RAB37: variants seen among roughly 807,000 people sequenced by gnomAD.
RAB37 encodes ras-related protein Rab-37.
Under a neutral mutation model 33.1 loss-of-function variants are expected in RAB37, and 29 were observed. That is an observed-to-expected ratio of 0.88 (90% confidence interval 0.65 to 1.20). The LOEUF is 1.20. Ranked by LOEUF, RAB37 falls within the 50% of genes most tolerant of loss-of-function variation. RAB37 has a pLI of 0.00. For missense variants in RAB37, 299 were observed against 301.1 expected (o/e 0.99, Z 0.05); for synonymous variants, 128 against 119.5 (o/e 1.07, Z -0.47).
chr17:74,728,669 T>C (rs2034340152), intron 1 of RAB37, among the ~76,000 whole-genome samples: 2 of 151,042 alleles, frequency 1.3e-5, no homozygotes, highest in Non-Finnish European at 3.0e-5. Flanking sequence ...TGTGTATGCA[T>C]ATGTTTGTGT....
intron 1 of RAB37, among the ~76,000 whole-genome samples, chr17:74,691,919 G>A (rs1408075692): frequency 6.7e-6 from 1 of 149,190 alleles, no homozygotes; most frequent in African/African-American, 2.5e-5. Context: ...AGGCTGGAGT[G>A]CAGTGGCGCG....
chr17:74,728,253 G>A (rs560761957), intron 1 of RAB37, among the ~76,000 whole-genome samples: 17 of 151,662 alleles, frequency 1.1e-4, no homozygotes, highest in Non-Finnish European at 1.6e-4. Context: ...GATACATGTT[G>A]GTGTACATGT....
chr17:74,694,940 G>T, intron 1 of RAB37: 1 of 746,684 alleles, frequency 1.3e-6, no homozygotes, highest in Non-Finnish European at 2.1e-6. Flanking sequence ...CTGAGACTTG[G>T]CCCCAAGCCC....
At position 74,729,069 on chromosome 17, in the gene RAB37, T is replaced by G. The variant is rs1347207892; in HGVS notation, c.73-187T>G. On this transcript the variant is annotated intron_variant, in intron 1 of 7. Coordinates refer to the RAB37 transcript ENST00000340415. The surrounding 1 kb of genome is among the most constrained non-coding windows in gnomAD (Gnocchi z 4.2). ...TGTGTGTGCATGGGTGTTCTGTGTA[T>G]GTGTGTACATGTTTTTCTATGTCTG... 1.3e-5 allele frequency among the ~76,000 whole-genome samples: 2 copies of G among 151,248 alleles called. No homozygotes were observed. Among genetic ancestry groups the G allele is most frequent in the Non-Finnish European group, 2.9e-5 (2 of 68,016 alleles).
Position 74,740,847 on chromosome 17 carries a change from C to T in RAB37, c.173C>T (p.Thr58Ile), listed in dbSNP as rs772385837. Residue 58 changes from threonine (T) to isoleucine (I), a missense_variant, in exon 2 of 9, where the codon ACC becomes ATC. Physicochemically the swap from Thr to Ile is moderately conservative, Grantham distance 89 (BLOSUM62 -1). Transcript: ENST00000392613. Reference protein sequence around the residue: ...QFKDGAFLSGTFIATVGIDFR... With the variant: ...QFKDGAFLSGIFIATVGIDFR... ...AAAGACGGGGCCTTCCTGTCCGGAACCTTCATAGCCACCGTCGGCATAGAC... is the reference window on the plus strand; with the variant it reads ...AAAGACGGGGCCTTCCTGTCCGGAATCTTCATAGCCACCGTCGGCATAGAC... 2.5e-5 allele frequency: 40 copies of T among 1,613,854 alleles called. No individual in the cohort carries two copies. The highest frequency in any genetic ancestry group is 3.1e-5 in the Non-Finnish European group (37 of 1,179,868).
At chr17:74,709,373 A>G (rs1174143039) in intron 1 of RAB37, among the ~76,000 whole-genome samples, 1 of 152,236 alleles carries the variant, frequency 6.6e-6, no homozygotes, top group Non-Finnish European at 1.5e-5. Flanking sequence ...TAGCAAACTA[A>G]GAGAACTGCC....
At position 74,671,276 on chromosome 17, in the gene RAB37, T is replaced by G; in HGVS notation, c.-311T>G. On this transcript the variant is annotated 5_prime_UTR_variant, in exon 1 of 8. Coordinates refer to the RAB37 transcript ENST00000340415. This position sits in a 1 kb window ranked among gnomAD's most constrained non-coding sequence, Gnocchi z 5.0. ...CAGCCGGACCCAAATCTTGCGTCCC[T>G]GCCAGCATCCTGGAGTCCTAAGAGG... The G allele has an allele frequency of 2.9e-6, 1 of 339,856 alleles. No individual in the cohort carries two copies. The highest frequency in any genetic ancestry group is 5.5e-6 in the Non-Finnish European group (1 of 183,484). 21.1% of individuals were successfully genotyped at this position (339,856 alleles called of 1,614,324 possible). A position where few individuals can be genotyped will look rare whatever the true frequency, so the allele number is the denominator to read the frequency against.
At chr17:74,708,873 G>C (rs1304051090) in intron 1 of RAB37, among the ~76,000 whole-genome samples, 3 of 142,374 alleles carry the variant, frequency 2.1e-5, no homozygotes, top group African/African-American at 7.9e-5. Context: ...CCGAGATCGC[G>C]CCACTGCACT....
Position 74,744,956 on chromosome 17 carries a change from G to T in RAB37, c.489+27G>T. ...TAAGTGATTGTCTGTGGGACAGGGT[G>T]AAGGGTGGGGGCAACCCGACGCTGG... is the stretch of plus-strand genomic sequence containing the variant. On this transcript the variant is annotated intron_variant, in intron 7 of 8. Coordinates refer to ENST00000392613, the MANE Select transcript of RAB37 (RefSeq NM_001006638.3). This position sits in a 1 kb window ranked among gnomAD's most constrained non-coding sequence, Gnocchi z 4.2. 1.2e-6 allele frequency: 2 copies of T among 1,614,254 alleles called. No homozygotes were observed. The highest frequency in any genetic ancestry group is 1.3e-5 in the African/African-American group (1 of 75,088).
chr17:74,693,268 C>T (rs2032200642), intron 1 of RAB37, among the ~76,000 whole-genome samples: 3 of 152,160 alleles, frequency 2.0e-5, no homozygotes, highest in Non-Finnish European at 4.4e-5. Flanking sequence ...AGGGAGCAAG[C>T]CTTATCTTGT....
chr17:74,704,432 C>A (rs757547956), intron 1 of RAB37: 3 of 1,349,750 alleles, frequency 2.2e-6, no homozygotes, highest in Non-Finnish European at 3.1e-6. Context: ...GAGACCAGGA[C>A]AGAGCAGGCC....
intron 1 of RAB37, among the ~76,000 whole-genome samples, chr17:74,692,118 G>A (rs932552942): frequency 4.6e-5 from 7 of 151,922 alleles, no homozygotes; most frequent in Non-Finnish European, 7.4e-5. Context: ...CGCCCACCTC[G>A]GCCTCCCAAA....
rs183100929 is a variant in RAB37 at position 74,705,823 on chromosome 17, G to A, written c.73-23433G>A. Reference sequence around the variant, plus strand: ...TTGTCCAAGCTGGTCTCAAACTCCCGGGCTCAAGCGATCCACCCACCTCAG... The same window carrying A: ...TTGTCCAAGCTGGTCTCAAACTCCCAGGCTCAAGCGATCCACCCACCTCAG... On this transcript the variant is annotated intron_variant, in intron 1 of 7. Transcript: ENST00000340415. Among the ~76,000 whole-genome samples the A allele has an allele frequency of 3.1e-3, 471 of 152,164 alleles. 3 individuals are homozygous for A. Among genetic ancestry groups the A allele is most frequent in the Non-Finnish European group, 4.0e-3 (274 of 68,000 alleles).
chr17:74,732,233 G>A (rs1398134958), intron 2 of RAB37, among the ~76,000 whole-genome samples: 1 of 152,178 alleles, frequency 6.6e-6, no homozygotes, highest in Admixed American at 6.5e-5. Context: ...TCATACACAT[G>A]CTGCTTCAGT....
chr17:74,717,096 T>C (rs933595147), intron 1 of RAB37, among the ~76,000 whole-genome samples: 1 of 152,138 alleles, frequency 6.6e-6, no homozygotes, highest in South Asian at 2.1e-4. Flanking sequence ...GATCGCACCA[T>C]TGCATTCCAG....
intron 2 of RAB37, among the ~76,000 whole-genome samples, chr17:74,741,820 G>A (rs529406161): frequency 4.6e-5 from 7 of 152,358 alleles, no homozygotes; most frequent in African/African-American, 1.4e-4. Context: ...GGCAGCTAAA[G>A]AAAAGGTGCT....
chr17:74,736,349 G>T (rs563304555), upstream of RAB37, among the ~76,000 whole-genome samples: 158 of 152,296 alleles, frequency 1.0e-3, 1 homozygote, highest in African/African-American at 3.5e-3. Flanking sequence ...GGGGGTAATT[G>T]AAAGGTCGGC....
At position 74,730,914 on chromosome 17, in the gene RAB37, G is replaced by C. The variant is rs1240370613; in HGVS notation, c.183+1548G>C. Among the ~76,000 whole-genome samples the C allele has an allele frequency of 1.3e-5, 2 of 152,234 alleles. No homozygotes were observed. Among genetic ancestry groups the C allele is most frequent in the African/African-American group, 4.8e-5 (2 of 41,468 alleles). ...ATTTCCTGTGAAGGAAAAAGAAAGT[G>C]TGTGGTCAAACTGTTTGTCTAGCCT... On this transcript the variant is annotated intron_variant, in intron 2 of 7. Transcript: ENST00000340415. The surrounding 1 kb of genome is among the most constrained non-coding windows in gnomAD (Gnocchi z 4.4).
At chr17:74,698,167 C>T (rs556064625) in intron 1 of RAB37, among the ~76,000 whole-genome samples, 5 of 152,302 alleles carry the variant, frequency 3.3e-5, no homozygotes, top group Non-Finnish European at 7.4e-5. Context: ...GCAGGGCAGG[C>T]GGCGAATGCC....
Sources: allele counts gnomAD v4.1 joint callset (sites outside exome capture counted in the v4.1 genomes callset), GRCh38; gene constraint gnomAD v4.1.1; non-coding constraint Gnocchi (gnomAD v3.1); transcripts MANE v1.5; gene names NCBI Gene and HGNC (gene_info 2026-07-23, HGNC 2026-07-21).